The following PREP variants were observed in gnomAD, a reference collection of about 807,000 sequenced individuals.
PREP encodes dJ355L5.1 (prolyl endopeptidase).
PREP carries 29 observed loss-of-function variants against 87.6 expected under a neutral mutation model. The observed-to-expected ratio is 0.33, with a 90% CI of 0.25 to 0.45. PREP has a LOEUF of 0.45. PREP is among the 20% of genes least tolerant of loss of function. PREP has a pLI of 1.00. For synonymous variants in PREP, 337 were observed against 328.6 expected (o/e 1.03, Z -0.28); for missense variants, 695 against 886.5 (o/e 0.78, Z 2.74).
rs565394767 is a variant in PREP, at chr6:105,366,266, T to C, written c.717+2637A>G. ...AGCGAGACTCCATCTCAAAAATAAATAAATAAATAAAACATAAATAAAGTC... is the reference window on the plus strand; with the variant it reads ...AGCGAGACTCCATCTCAAAAATAAACAAATAAATAAAACATAAATAAAGTC... On this transcript the variant is annotated intron_variant, in intron 6 of 14. Coordinates refer to ENST00000652536, the MANE Select transcript of PREP (RefSeq NM_002726.5). Among the ~76,000 whole-genome samples the C allele has an allele frequency of 3.3e-5, 5 of 152,146 alleles. No individual in the cohort carries two copies. In the East Asian group the frequency reaches 9.7e-4, roughly 29 times the overall value.
Position 105,277,903 on chromosome 6 carries a change from T to TA in PREP, c.*240dup, listed in dbSNP as rs571897770. On this transcript the variant is annotated 3_prime_UTR_variant, in exon 15 of 15. Coordinates refer to ENST00000652536, the MANE Select transcript of PREP (RefSeq NM_002726.5). ...TTAGCTATTTATCCCAACATGCCCT[T>TA]AAAAAAAACACCAAAAAACCACATG... is the stretch of plus-strand genomic sequence containing the variant. 476 of 553,546 alleles carry TA rather than the reference T, an allele frequency of 8.6e-4. No homozygotes were observed. Among genetic ancestry groups the TA allele is most frequent in the Middle Eastern group, 1.5e-3 (3 of 2,064 alleles). 34.3% of individuals were successfully genotyped at this position (553,546 alleles called of 1,614,324 possible). A position where few individuals can be genotyped will look rare whatever the true frequency, so the allele number is the denominator to read the frequency against.
At chr6:105,312,873 G>C (rs1211314447) in intron 10 of PREP, among the ~76,000 whole-genome samples, 1 of 152,112 alleles carries the variant, frequency 6.6e-6, no homozygotes, top group Non-Finnish European at 1.5e-5. Context: ...GGGGCTACGG[G>C]GCGGCACTGG....
At position 105,303,772 on chromosome 6, in the gene PREP, G is replaced by A. The variant is rs7356797; in HGVS notation, c.1318-14878C>T. Among the ~76,000 whole-genome samples, 679 of 152,268 alleles carry A rather than the reference G, an allele frequency of 4.5e-3. 8 individuals are homozygous for A. Among genetic ancestry groups the A allele is most frequent in the African/African-American group, 0.016 (647 of 41,542 alleles). On this transcript the variant is annotated intron_variant, in intron 10 of 14. Transcript: ENST00000652536. ...ACCAAAAGAAACAAAAGTTAGCCAA[G>A]GTTCTGCAGACAGAACCTAGTGACA...
chr6:105,394,384 T>C (rs1773235914), intron 2 of PREP, among the ~76,000 whole-genome samples: 1 of 152,142 alleles, frequency 6.6e-6, no homozygotes, highest in South Asian at 2.1e-4. Flanking sequence ...GAGAAAATAA[T>C]AATTGATTGT....
chr6:105,361,391 G>A (rs904940889), intron 6 of PREP, among the ~76,000 whole-genome samples: 18 of 151,916 alleles, frequency 1.2e-4, no homozygotes, highest in Non-Finnish European at 2.6e-4. Context: ...GTCGTGTGGT[G>A]GTGTATTAAT....
In PREP at chr6:105,273,620, A is replaced by G. The variant is rs1246998130; in HGVS notation, c.*4524T>C. ...TGGGTTCCTGCTGCCCCCACCCCCAAAATTCCTTAAAGGTGCTAAGCAACC... is the reference window on the plus strand; with the variant it reads ...TGGGTTCCTGCTGCCCCCACCCCCAGAATTCCTTAAAGGTGCTAAGCAACC... On this transcript the variant is annotated 3_prime_UTR_variant, in exon 15 of 15. Coordinates refer to ENST00000652536, the MANE Select transcript of PREP (RefSeq NM_002726.5). 1 of 152,044 alleles carries G rather than the reference A, an allele frequency of 6.6e-6. No homozygotes were observed. The highest frequency in any genetic ancestry group is 1.5e-5 in the Non-Finnish European group (1 of 68,010). 9.4% of individuals were successfully genotyped at this position (152,044 alleles called of 1,614,324 possible).
chr6:105,376,200 C>A lies in PREP; in HGVS notation c.310G>T (p.Asp104Tyr). The change falls in exon 4 of 15, where the codon GAT (aspartate) becomes TAT (tyrosine). Residue 104 changes from aspartate (D) to tyrosine (Y), a missense_variant. Physicochemically the swap from Asp to Tyr is radical, Grantham distance 160 (BLOSUM62 -3). This residue lies in a region of PREP where 517 missense variants were observed against 620.3 expected (regional missense o/e 0.83). Transcript: ENST00000652536. ...LQNQRVLYVQ[D>Y]SLEGEARVFL... The stretch of plus-strand genomic sequence containing the variant: ...ACTCTGGCCTCACCCTCTAAGGAAT[C>A]CTGTACATATAATACTCGCTGGTTC... 1 of 1,613,802 alleles carries A rather than the reference C, an allele frequency of 6.2e-7. No individual in the cohort carries two copies. The highest frequency in any genetic ancestry group is 1.7e-4 in the Middle Eastern group (1 of 6,050).
At chr6:105,317,950 T>G (rs1770917430) in intron 10 of PREP, among the ~76,000 whole-genome samples, 1 of 152,212 alleles carries the variant, frequency 6.6e-6, no homozygotes, top group African/African-American at 2.4e-5. Flanking sequence ...TGTCAACAAT[T>G]ACAGTATCTG....
intron 10 of PREP, among the ~76,000 whole-genome samples, chr6:105,315,720 T>C (rs886142788): frequency 6.6e-6 from 1 of 152,242 alleles, no homozygotes; most frequent in African/African-American, 2.4e-5. Context: ...GCCACCTTCA[T>C]CAATTATTTT....
At chr6:105,308,460 C>T (rs1001320323) in intron 10 of PREP, among the ~76,000 whole-genome samples, 16 of 152,190 alleles carry the variant, frequency 1.1e-4, no homozygotes, top group Admixed American at 1.0e-3. Context: ...CTTTGATGCT[C>T]TATAAGGGAG....
At chr6:105,338,684 C>A (rs1263494517) in intron 7 of PREP, among the ~76,000 whole-genome samples, 1 of 152,216 alleles carries the variant, frequency 6.6e-6, no homozygotes, top group Non-Finnish European at 1.5e-5. Flanking sequence ...GGGACACTCC[C>A]ACCCTAATAC....
At position 105,377,422 on chromosome 6, in the gene PREP, T is replaced by A; in HGVS notation, c.218A>T (p.Tyr73Phe). Residue 73 changes from tyrosine (Y) to phenylalanine (F), a missense_variant, in exon 3 of 15, where the codon TAT becomes TTT. Tyr to Phe is a conservative substitution (Grantham distance 22). Transcript: ENST00000652536. ...CTTGAAGTGGCAACTATACTTGGGA[T>A]AATCATATAGTTCAGTCATTCTCTC... ...YKERMTELYD[Y>F]PKYSCHFKKG... 6.2e-7 allele frequency: 1 copy of A among 1,613,310 alleles called. No individual in the cohort carries two copies. The highest frequency in any genetic ancestry group is 8.5e-7 in the Non-Finnish European group (1 of 1,179,522).
chr6:105,340,957 C>T (rs995668669), intron 7 of PREP, among the ~76,000 whole-genome samples: 2 of 152,144 alleles, frequency 1.3e-5, no homozygotes, highest in African/African-American at 4.8e-5. Context: ...TTTAACACCC[C>T]ACTGTCAACA....
At chr6:105,297,828 C>A (rs904026734) in intron 10 of PREP, among the ~76,000 whole-genome samples, 3 of 151,810 alleles carry the variant, frequency 2.0e-5, no homozygotes, top group Non-Finnish European at 4.4e-5. Flanking sequence ...GGACCTGGCA[C>A]CCCCTTTCAC....
intron 13 of PREP, 124 bp from the exon 14 acceptor site, chr6:105,282,026 G>A: frequency 8.3e-7 from 1 of 1,209,272 alleles, no homozygotes; most frequent in Non-Finnish European, 1.1e-6. Context: ...GAGCACAAGA[G>A]GAAACCATCA....
At chr6:105,328,195 G>T (rs1322323021) in intron 9 of PREP, among the ~76,000 whole-genome samples, 4 of 151,900 alleles carry the variant, frequency 2.6e-5, no homozygotes, top group Non-Finnish European at 5.9e-5. Flanking sequence ...TTTACATTTT[G>T]TATCTGCACT....
rs979474528 is a variant in PREP at position 105,276,511 on chromosome 6, G to T, written c.*1633C>A. Among the ~76,000 whole-genome samples the T allele has an allele frequency of 3.9e-5, 6 of 152,176 alleles. No homozygotes were observed. Among genetic ancestry groups the T allele is most frequent in the Non-Finnish European group, 8.8e-5 (6 of 68,032 alleles). ...CTGCCTCTGGCTTGACCATGCAAAT[G>T]TATTTTCTTTCTTTCCTGCCATGCT... On this transcript the variant is annotated 3_prime_UTR_variant, in exon 15 of 15. Transcript: ENST00000652536.
intron 6 of PREP, among the ~76,000 whole-genome samples, chr6:105,357,812 T>C (rs17065854): frequency 0.013 from 1,936 of 152,190 alleles, 39 homozygotes; most frequent in South Asian, 0.068. Context: ...TAAAGTTACT[T>C]TCCTAAAAGC....
At chr6:105,357,566 G>A (rs1032724249) in intron 6 of PREP, among the ~76,000 whole-genome samples, 8 of 152,252 alleles carry the variant, frequency 5.3e-5, no homozygotes, top group African/African-American at 1.7e-4. Flanking sequence ...TGAAAACAAC[G>A]TTGCATTTTC....
Sources: allele counts gnomAD v4.1 joint callset (sites outside exome capture counted in the v4.1 genomes callset), GRCh38; gene constraint gnomAD v4.1.1; regional missense constraint gnomAD v4.1.1; transcripts MANE v1.5; gene names NCBI Gene and HGNC (gene_info 2026-07-23, HGNC 2026-07-21).